Variants in FTCDNL1 observed in about 807,000 individuals in gnomAD.
The protein encoded by FTCDNL1 is formiminotransferase N-terminal subdomain-containing protein.
A neutral mutation model predicts 5.9 loss-of-function variants in FTCDNL1; 11 were observed. The observed-to-expected ratio is 1.87, with a 90% CI of 1.18 to 3.10. FTCDNL1 has a LOEUF of 3.10. Ranked by LOEUF, FTCDNL1 falls within the 30% of genes most tolerant of loss-of-function variation. The pLI is 0.00. For missense variants in FTCDNL1, 115 were observed against 65.5 expected, an observed-to-expected ratio of 1.76 and a Z score of -2.61; for synonymous variants, 58 against 24.8, an observed-to-expected ratio of 2.34 and a Z score of -3.99.
At chr2:199,777,201 G>C (rs1310619684) in intron 3 of FTCDNL1, among the ~76,000 whole-genome samples, 2 of 152,104 alleles carry the variant, frequency 1.3e-5, no homozygotes, top group Admixed American at 1.3e-4. Flanking sequence ...GCTGAGGCAG[G>C]AGAATCTCTT....
At chr2:199,667,816 G>A in the FTCDNL1 span, among the ~76,000 whole-genome samples, 1 of 152,110 alleles carries the variant, frequency 6.6e-6, no homozygotes, top group Non-Finnish European at 1.5e-5. Flanking sequence ...GGTTGCTCAA[G>A]GATTAAATGA....
chr2:199,779,731 G>A (rs1217658376), intron 3 of FTCDNL1, among the ~76,000 whole-genome samples: 1 of 152,192 alleles, frequency 6.6e-6, no homozygotes, highest in Non-Finnish European at 1.5e-5. Context: ...ACCCCAGGTA[G>A]GGGCAGGGAA....
At chr2:199,803,591 A>G (rs1559201594) in intron 3 of FTCDNL1, among the ~76,000 whole-genome samples, 1 of 152,188 alleles carries the variant, frequency 6.6e-6, no homozygotes, top group Non-Finnish European at 1.5e-5. Flanking sequence ...CAGCCTCCTG[A>G]GTAGCTGGGA....
the FTCDNL1 span, among the ~76,000 whole-genome samples, chr2:199,707,033 T>C: frequency 6.6e-6 from 1 of 152,240 alleles, no homozygotes; most frequent in South Asian, 2.1e-4. Context: ...TATACTATTT[T>C]CATCTTATGA....
chr2:199,816,030 G>GAAAA (rs1701334137), intron 4 of FTCDNL1, among the ~76,000 whole-genome samples: 1 of 150,496 alleles, frequency 6.6e-6, no homozygotes, highest in Non-Finnish European at 1.5e-5. Context: ...AAGAAAGAAA[G>GAAAA]CAATTTACTT....
the FTCDNL1 span, among the ~76,000 whole-genome samples, chr2:199,746,318 T>A: frequency 6.6e-6 from 1 of 152,180 alleles, no homozygotes; most frequent in Non-Finnish European, 1.5e-5. Flanking sequence ...TGGGTCAAAA[T>A]AGAATAGGAT....
chr2:199,766,570 A>G (rs56358947), intron 3 of FTCDNL1, among the ~76,000 whole-genome samples: 4,695 of 152,324 alleles, frequency 0.031, 125 homozygotes, highest in East Asian at 0.14. Flanking sequence ...GATAATCACA[A>G]CATACTATAT....
chr2:199,704,691 C>G, the FTCDNL1 span, among the ~76,000 whole-genome samples: 1 of 151,944 alleles, frequency 6.6e-6, no homozygotes, highest in Non-Finnish European at 1.5e-5. Context: ...AAGTTAGGAC[C>G]CTTAAAAACA....
downstream of FTCDNL1, among the ~76,000 whole-genome samples, chr2:199,804,707 A>G (rs538404396): frequency 6.6e-6 from 1 of 152,290 alleles, no homozygotes; most frequent in African/African-American, 2.4e-5. Flanking sequence ...AGCTATGTTC[A>G]CAAAGAGTAT....
At chr2:199,837,111 G>C (rs1013108592) in intron 3 of FTCDNL1, among the ~76,000 whole-genome samples, 2 of 152,158 alleles carry the variant, frequency 1.3e-5, no homozygotes, top group African/African-American at 2.4e-5. Flanking sequence ...TTCTTCATTA[G>C]TACCTCTGTT....
chr2:199,715,417 T>G, the FTCDNL1 span, among the ~76,000 whole-genome samples: 1 of 152,114 alleles, frequency 6.6e-6, no homozygotes, highest in Non-Finnish European at 1.5e-5. Context: ...ATAAGTCTCA[T>G]GAGATTTGAT....
the FTCDNL1 span, among the ~76,000 whole-genome samples, chr2:199,708,921 C>A: frequency 6.6e-6 from 1 of 152,010 alleles, no homozygotes; most frequent in Non-Finnish European, 1.5e-5. Context: ...TTTATAAATT[C>A]TAGATCCCTC....
At chr2:199,747,992 A>T in the FTCDNL1 span, among the ~76,000 whole-genome samples, 9,690 of 152,160 alleles carry the variant, frequency 0.064, 601 homozygotes, top group Admixed American at 0.15. Context: ...TCTGCCACTT[A>T]CTTTTACAAT....
intron 3 of FTCDNL1, among the ~76,000 whole-genome samples, chr2:199,827,536 C>T (rs1365299566): frequency 6.6e-6 from 1 of 151,736 alleles, no homozygotes; most frequent in Non-Finnish European, 1.5e-5. Flanking sequence ...AGAAAATATT[C>T]GAATTGCTTA....
intron 3 of FTCDNL1, among the ~76,000 whole-genome samples, chr2:199,765,529 TC>T (rs1429013352): frequency 5.8e-5 from 7 of 121,114 alleles, no homozygotes; most frequent in African/African-American, 1.9e-4. Context: ...TTTTTTGTCT[TC>T]ATTATATATA....
At chr2:199,701,092 TTATC>T in the FTCDNL1 span, among the ~76,000 whole-genome samples, 1 of 152,124 alleles carries the variant, frequency 6.6e-6, no homozygotes, top group Non-Finnish European at 1.5e-5. Context: ...ATCATCAGAA[TTATC>T]TATTTCAGAA....
the FTCDNL1 span, among the ~76,000 whole-genome samples, chr2:199,743,513 T>C: frequency 6.6e-6 from 1 of 152,202 alleles, no homozygotes; most frequent in East Asian, 1.9e-4. Flanking sequence ...GTTTCTGCAC[T>C]GATTAAATGA....
the FTCDNL1 span, among the ~76,000 whole-genome samples, chr2:199,752,583 C>T: frequency 6.6e-6 from 1 of 152,094 alleles, no homozygotes; most frequent in African/African-American, 2.4e-5. Flanking sequence ...CAGCAGATGG[C>T]CTTGGACTTG....
At chr2:199,796,854 G>A (rs986400496) in intron 3 of FTCDNL1, among the ~76,000 whole-genome samples, 2 of 151,956 alleles carry the variant, frequency 1.3e-5, no homozygotes, top group African/African-American at 4.8e-5. Flanking sequence ...TTTTAAATAT[G>A]TGTAACCCTT....
Sources: gnomAD v4.1 joint callset for allele counts (sites outside exome capture counted in the v4.1 genomes callset) on GRCh38, gnomAD v4.1.1 for gene constraint, MANE v1.5 for transcripts, NCBI Gene and HGNC (gene_info 2026-07-23, HGNC 2026-07-21) for gene names.